Variants in DNAH10 observed in about 807,000 individuals in gnomAD.
The protein encoded by DNAH10 is dynein axonemal heavy chain 10.
DNAH10 carries 348 observed loss-of-function variants against 506.6 expected under a neutral mutation model. The ratio of observed to expected loss-of-function variants is 0.69; its 90% CI spans 0.63 to 0.75. The LOEUF (loss-of-function observed/expected upper bound fraction) is 0.75. Ranked by LOEUF, DNAH10 falls within the 30% of genes least tolerant of loss-of-function variation. DNAH10 has a pLI of 0.00. For missense variants in DNAH10, 5,179 were observed against 5,787.1 expected (o/e 0.89, Z 3.41); for synonymous variants, 2,059 against 2,198.6 (o/e 0.94, Z 1.78).
chr12:123,847,995 G>C lies in DNAH10; in HGVS notation c.5849G>C (p.Gly1950Ala). 6.2e-7 allele frequency: 1 copy of C among 1,613,624 alleles called. No individual in the cohort carries two copies. Among genetic ancestry groups the C allele is most frequent in the Non-Finnish European group, 8.5e-7 (1 of 1,179,744 alleles). ...LSMYLGGAPA[G>A]PAGTGKTETT... is the part of the protein sequence containing the mutation. Reference sequence around the variant, plus strand: ...ATGTATCTAGGTGGGGCCCCCGCCGGCCCAGCAGGAACCGGCAAAACCGAG... The same window carrying C: ...ATGTATCTAGGTGGGGCCCCCGCCGCCCCAGCAGGAACCGGCAAAACCGAG... The change falls in exon 33 of 79, where the codon GGC (glycine) becomes GCC (alanine). Residue 1950 changes from glycine (G) to alanine (A), a missense_variant. Around this residue, in one of 3 missense-constraint regions of DNAH10, gnomAD observed 4,844 missense variants for 5,430.5 expected, o/e 0.89. Transcript: ENST00000673944.
chr12:123,908,676 G>T, intron 57 of DNAH10: 1 of 412,508 alleles, frequency 2.4e-6, no homozygotes, highest in South Asian at 1.8e-5. Context: ...CGTTCTGGAG[G>T]AGCAGAGTGA....
intron 6 of DNAH10, among the ~76,000 whole-genome samples, chr12:123,782,640 G>A (rs1286147847): frequency 6.6e-6 from 1 of 151,872 alleles, no homozygotes; most frequent in Non-Finnish European, 1.5e-5. Flanking sequence ...TCGAACTCCT[G>A]ACTGCAAGTG....
chr12:123,828,612 T>C (rs563149554), intron 25 of DNAH10, among the ~76,000 whole-genome samples: 2 of 152,294 alleles, frequency 1.3e-5, no homozygotes, highest in South Asian at 4.2e-4. Context: ...CTTATTAAGG[T>C]CCACTGTTTT....
intron 51 of DNAH10, among the ~76,000 whole-genome samples, chr12:123,883,838 T>G (rs1486129962): frequency 6.6e-6 from 1 of 152,164 alleles, no homozygotes; most frequent in Non-Finnish European, 1.5e-5. Context: ...TTCCATGCAA[T>G]GGACTGAAGT....
intron 1 of DNAH10, among the ~76,000 whole-genome samples, chr12:123,764,874 A>G (rs1226196059): frequency 6.6e-6 from 1 of 152,148 alleles, no homozygotes; most frequent in African/African-American, 2.4e-5. Context: ...GAGGTGCCAG[A>G]TGGCGTCGGG....
intron 28 of DNAH10, 85 bp downstream of exon 28, chr12:123,835,613 C>T (rs911493575): frequency 6.7e-7 from 1 of 1,501,530 alleles, no homozygotes; most frequent in African/African-American, 1.4e-5. Context: ...ATTGTATTTT[C>T]TCCATTAGTA....
At chr12:123,882,923 A>T (rs1952573452) in intron 51 of DNAH10, among the ~76,000 whole-genome samples, 2 of 152,110 alleles carry the variant, frequency 1.3e-5, no homozygotes, top group African/African-American at 2.4e-5. Flanking sequence ...TAACGGACTA[A>T]TCTGCTTTCT....
In DNAH10 at chr12:123,848,801, C is replaced by T. The variant is rs192357919; in HGVS notation, c.6021C>T (p.Ile2007=). The part of the protein sequence containing the change: ...AWGCFDEFNR[I]DASVLSVISS... ...GCTGCTTTGATGAGTTTAATCGAAT[C>T]GATGCTTCTGTGCTCTCCGTGATCT... Residue 2007 remains isoleucine (I), a synonymous_variant, in exon 34 of 79, where the codon ATC becomes ATT. Transcript: ENST00000673944. The T allele has an allele frequency of 1.6e-5, 26 of 1,613,854 alleles. No individual in the cohort carries two copies. The highest frequency in any genetic ancestry group is 8.0e-5 in the African/African-American group (6 of 75,008).
intron 19 of DNAH10, among the ~76,000 whole-genome samples, chr12:123,812,006 G>T (rs538270662): frequency 1.1e-4 from 16 of 152,234 alleles, no homozygotes; most frequent in African/African-American, 3.4e-4. Context: ...AGTAGCTGTG[G>T]TTTTTACCAT....
chr12:123,823,587 A>G (rs1959650760), intron 24 of DNAH10, among the ~76,000 whole-genome samples: 2 of 152,218 alleles, frequency 1.3e-5, no homozygotes, highest in Non-Finnish European at 1.5e-5. Flanking sequence ...GAGAACAACC[A>G]CACACATGTC....
At chr12:123,801,487 T>C (rs1442076299) in intron 16 of DNAH10, 55 bp downstream of exon 16, 2 of 1,566,428 alleles carry the variant, frequency 1.3e-6, no homozygotes, top group Non-Finnish European at 1.7e-6. Flanking sequence ...AAGTAATTCT[T>C]TTAGGTTGTT....
chr12:123,765,949 G>T (rs771444344), intron 1 of DNAH10, among the ~76,000 whole-genome samples: 5 of 151,640 alleles, frequency 3.3e-5, no homozygotes, highest in Non-Finnish European at 7.4e-5. Context: ...CAATCTGTGT[G>T]TCTGTCTACC....
intron 51 of DNAH10, among the ~76,000 whole-genome samples, chr12:123,886,371 G>C (rs1247957562): frequency 6.6e-6 from 1 of 152,158 alleles, no homozygotes; most frequent in African/African-American, 2.4e-5. Flanking sequence ...TGCTGGGGAG[G>C]GGAGGCGGCT....
In DNAH10 at chr12:123,857,265, A is replaced by C. The variant is rs1335223283; in HGVS notation, c.6630+18A>C. 1.3e-6 allele frequency: 2 copies of C among 1,530,620 alleles called. No homozygotes were observed. The highest frequency in any genetic ancestry group is 2.0e-5 in the Admixed American group (1 of 50,988). The allele number at this position is 1,530,620 out of a possible 1,614,324, so 94.8% of individuals were successfully genotyped here. Reference sequence around the variant, plus strand: ...CCATCCAGGTAAAGCCAGGAAAATGACCTCACTGTGGCCGTGCATCCTTTC... The same window carrying C: ...CCATCCAGGTAAAGCCAGGAAAATGCCCTCACTGTGGCCGTGCATCCTTTC... On this transcript the variant is annotated intron_variant, in intron 37 of 78. Transcript: ENST00000673944.
intron 20 of DNAH10, 45 bp from the exon 21 acceptor site, chr12:123,813,709 G>GT: frequency 1.2e-6 from 2 of 1,612,526 alleles, no homozygotes; most frequent in Non-Finnish European, 1.7e-6. Flanking sequence ...CGCCATTACT[G>GT]TTTTTTCTGT....
intron 5 of DNAH10, among the ~76,000 whole-genome samples, chr12:123,778,711 A>G (rs1290539776): frequency 1.3e-5 from 2 of 152,008 alleles, no homozygotes; most frequent in Admixed American, 1.3e-4. Context: ...AAAAAGAAAA[A>G]AAATATATAT....
intron 57 of DNAH10, chr12:123,908,270 C>T (rs538138010): frequency 2.2e-6 from 1 of 450,570 alleles, no homozygotes; most frequent in African/African-American, 2.0e-5. Flanking sequence ...GTCTCCCTGT[C>T]TCTGTTCTTG....
chr12:123,871,255 G>T (rs1025058738), intron 44 of DNAH10, among the ~76,000 whole-genome samples: 1 of 152,222 alleles, frequency 6.6e-6, no homozygotes, highest in South Asian at 2.1e-4. Context: ...ACCCTGGACT[G>T]TGGTGATGGT....
At chr12:123,856,405 C>G (rs1476836416) in intron 36 of DNAH10, among the ~76,000 whole-genome samples, 3 of 150,710 alleles carry the variant, frequency 2.0e-5, no homozygotes, top group Admixed American at 1.3e-4. Flanking sequence ...GGCGCAATCT[C>G]AGTTCACTGC....
Sources: gnomAD v4.1 joint callset for allele counts (sites outside exome capture counted in the v4.1 genomes callset) on GRCh38, gnomAD v4.1.1 for gene constraint, gnomAD v4.1.1 regional missense constraint, MANE v1.5 for transcripts, NCBI Gene and HGNC (gene_info 2026-07-23, HGNC 2026-07-21) for gene names.